The following EYS variants were observed in gnomAD, a reference collection of about 807,000 sequenced individuals.
The protein encoded by EYS is protein eyes shut homolog.
In EYS, 250 loss-of-function variants were observed where a neutral mutation model predicts 282.1. That is an observed-to-expected ratio of 0.89 (90% CI 0.80 to 0.98). The LOEUF (loss-of-function observed/expected upper bound fraction) is 0.98, where lower values mean the gene tolerates loss of function less well. EYS is among the 50% of genes least tolerant of loss of function. The probability of loss-of-function intolerance (pLI) is 0.00; values close to 1 mark genes in which losing one functional copy is unlikely to be tolerated. For missense variants in EYS, 4,016 were observed against 3,709.0 expected, an observed-to-expected ratio of 1.08 and a Z score of -2.15; for synonymous variants, 1,355 against 1,282.9, an observed-to-expected ratio of 1.06 and a Z score of -1.20.
intron 22 of EYS, among the ~76,000 whole-genome samples, chr6:64,648,661 C>T (rs531114058): frequency 2.6e-5 from 4 of 151,782 alleles, no homozygotes; most frequent in East Asian, 1.9e-4. Context: ...ACAAGGTAAA[C>T]GATTTATAAT....
intron 28 of EYS, among the ~76,000 whole-genome samples, chr6:64,391,229 A>C (rs1773126343): frequency 6.6e-6 from 1 of 151,856 alleles, no homozygotes; most frequent in Admixed American, 6.6e-5. Context: ...GAACTTCCCC[A>C]ATCTAGCAAA....
chr6:64,055,955 C>T (rs1420227777), intron 33 of EYS, among the ~76,000 whole-genome samples: 1 of 152,104 alleles, frequency 6.6e-6, no homozygotes, highest in Non-Finnish European at 1.5e-5. Flanking sequence ...CAGCCTCAAT[C>T]AGTTACGGTG....
chr6:64,084,556 G>T (rs1772081990), intron 31 of EYS, among the ~76,000 whole-genome samples: 1 of 152,148 alleles, frequency 6.6e-6, no homozygotes, highest in African/African-American at 2.4e-5. Flanking sequence ...TTACAACTAG[G>T]AATCAAGGCA....
At chr6:64,378,522 T>C (rs1248201834) in intron 29 of EYS, among the ~76,000 whole-genome samples, 1 of 152,182 alleles carries the variant, frequency 6.6e-6, no homozygotes, top group Non-Finnish European at 1.5e-5. Context: ...TATTGTTTTA[T>C]GTTTGATTAG....
chr6:65,004,881 G>A (rs1381731708), intron 13 of EYS, among the ~76,000 whole-genome samples: 2 of 147,748 alleles, frequency 1.4e-5, no homozygotes, highest in Non-Finnish European at 3.0e-5. Flanking sequence ...CCAGCAGGTA[G>A]CAATGATAAG....
chr6:65,050,800 A>C (rs1056660168), intron 13 of EYS, among the ~76,000 whole-genome samples: 1 of 151,628 alleles, frequency 6.6e-6, no homozygotes, highest in Non-Finnish European at 1.5e-5. Flanking sequence ...CAAGCACTTA[A>C]AAATATATAC....
chr6:64,154,822 G>A (rs1235706677), intron 31 of EYS, among the ~76,000 whole-genome samples: 4 of 152,042 alleles, frequency 2.6e-5, no homozygotes, highest in Non-Finnish European at 5.9e-5. Context: ...ATGTCATGAG[G>A]TGTGTGTTTT....
At chr6:64,523,006 A>T (rs1462850117) in intron 26 of EYS, among the ~76,000 whole-genome samples, 1 of 151,556 alleles carries the variant, frequency 6.6e-6, no homozygotes, top group Non-Finnish European at 1.5e-5. Context: ...AAAGAAAAAA[A>T]TGTCAAGGGT....
chr6:64,253,749 C>CA (rs777755600), intron 30 of EYS, among the ~76,000 whole-genome samples: 15 of 133,440 alleles, frequency 1.1e-4, no homozygotes, highest in African/African-American at 4.2e-4. Context: ...TGACTTAGTG[C>CA]AGGGGGGTTT....
chr6:64,680,531 A>G (rs572916993), intron 22 of EYS, among the ~76,000 whole-genome samples: 2 of 152,292 alleles, frequency 1.3e-5, no homozygotes, highest in East Asian at 1.9e-4. Flanking sequence ...TCAACTCCCA[A>G]TCAACAGATA....
In EYS at chr6:64,399,169, T is replaced by C. The variant is rs1773471076; in HGVS notation, c.5928-10329A>G. 1.3e-5 allele frequency among the ~76,000 whole-genome samples: 2 copies of C among 151,746 alleles called. 1 individual carries two copies. The highest frequency in any genetic ancestry group is 4.1e-4 in the South Asian group (2 of 4,820). ...GAAACACATTAAGATATCAAATATA[T>C]TTATTTGATCTTTGATTATGACAAC... On this transcript the variant is annotated intron_variant, in intron 28 of 42. Coordinates refer to ENST00000503581, the MANE Select transcript of EYS (RefSeq NM_001142800.2).
At chr6:64,141,569 T>G (rs763809262) in intron 31 of EYS, among the ~76,000 whole-genome samples, 15 of 152,204 alleles carry the variant, frequency 9.9e-5, no homozygotes, top group Non-Finnish European at 1.6e-4. Context: ...TTAATAGGCA[T>G]GAAAATAAGC....
Position 64,766,649 on chromosome 6 carries a change from A to AAAATATATATATATAT in EYS, c.3443+46728_3443+46729insATATATATATATATTT, listed in dbSNP as rs1387919586. Among the ~76,000 whole-genome samples the AAAATATATATATATAT allele has an allele frequency of 9.5e-4, 18 of 19,042 alleles. 1 individual carries two copies. Among genetic ancestry groups the AAAATATATATATATAT allele is most frequent in the Non-Finnish European group, 1.9e-3 (18 of 9,702 alleles). 12.5% of individuals were successfully genotyped at this position (19,042 alleles called of 152,430 possible). A position where few individuals can be genotyped will look rare whatever the true frequency, so the allele number is the denominator to read the frequency against. ...TCCGTCTCAAAAAAAAAAAAAAAAA[A>AAAATATATATATATAT]ATATATATATATATATATATATATA... On this transcript the variant is annotated intron_variant, in intron 22 of 42. Transcript: ENST00000503581.
At chr6:64,584,562 CACT>C (rs1233895078) in intron 26 of EYS, among the ~76,000 whole-genome samples, 4 of 151,540 alleles carry the variant, frequency 2.6e-5, no homozygotes, top group Non-Finnish European at 5.9e-5. Flanking sequence ...TAATTCAGAC[CACT>C]ACAATTGGAA....
chr6:65,648,707 T>A (rs78368761), intron 1 of EYS, among the ~76,000 whole-genome samples: 8 of 147,548 alleles, frequency 5.4e-5, no homozygotes, highest in South Asian at 2.2e-4. Context: ...CCTATTGAAA[T>A]AAAAAAAAAA....
At chr6:65,697,077 G>A (rs1033108185) in intron 1 of EYS, among the ~76,000 whole-genome samples, 27 of 152,038 alleles carry the variant, frequency 1.8e-4, no homozygotes, top group African/African-American at 6.5e-4. Flanking sequence ...TCACATATAT[G>A]TTTTTGTGTG....
At chr6:64,961,966 A>G (rs1006506235) in intron 14 of EYS, among the ~76,000 whole-genome samples, 4 of 152,182 alleles carry the variant, frequency 2.6e-5, no homozygotes, top group Non-Finnish European at 5.9e-5. Context: ...AAAATTCTCA[A>G]TCCAGAGTTT....
At chr6:63,986,373 A>G (rs1767367234) in intron 34 of EYS, among the ~76,000 whole-genome samples, 1 of 151,906 alleles carries the variant, frequency 6.6e-6, no homozygotes, top group Non-Finnish European at 1.5e-5. Context: ...GTGATTCCTC[A>G]AAGAGCTAAA....
intron 7 of EYS, among the ~76,000 whole-genome samples, chr6:65,387,943 A>G (rs1765863834): frequency 6.6e-6 from 1 of 152,000 alleles, no homozygotes; most frequent in Non-Finnish European, 1.5e-5. Flanking sequence ...GCTGTCATTG[A>G]ACCTATTCCG....
Sources: gnomAD v4.1 joint callset for allele counts (sites outside exome capture counted in the v4.1 genomes callset) on GRCh38, gnomAD v4.1.1 for gene constraint, MANE v1.5 for transcripts, NCBI Gene and HGNC (gene_info 2026-07-23, HGNC 2026-07-21) for gene names.